The following MARF1 variants were observed in gnomAD, a reference collection of about 807,000 sequenced individuals.
MARF1 encodes limkain-b1.
A neutral mutation model predicts 168.2 loss-of-function variants in MARF1; 24 were observed. The observed-to-expected ratio is 0.14, with a 90% confidence interval of 0.10 to 0.20. The LOEUF (loss-of-function observed/expected upper bound fraction) is 0.20, where lower values mean the gene tolerates loss of function less well. Among genes scored for constraint, MARF1 ranks in the 10% least tolerant of loss-of-function variants. MARF1 has a pLI of 1.00. For missense variants in MARF1, 1,744 were observed against 2,143.6 expected, an observed-to-expected ratio of 0.81 and a Z score of 3.68; for synonymous variants, 868 against 822.4, an observed-to-expected ratio of 1.06 and a Z score of -0.95.
chr16:15,624,986 G>A (rs374504952), intron 9 of MARF1, 30 bp downstream of exon 9: 5 of 1,613,416 alleles, frequency 3.1e-6, no homozygotes, highest in African/African-American at 2.7e-5. Flanking sequence ...CATTCAAGAA[G>A]CAGCTATGAG....
intron 20 of MARF1, 142 bp downstream of exon 20, chr16:15,609,381 G>A (rs1596453872): frequency 1.1e-5 from 7 of 634,296 alleles, no homozygotes; most frequent in Non-Finnish European, 1.9e-5. Context: ...CAGGAATATG[G>A]CTTCTCTGAC....
intron 20 of MARF1, among the ~76,000 whole-genome samples, chr16:15,608,929 T>C (rs2033267823): frequency 1.3e-5 from 2 of 152,192 alleles, no homozygotes; most frequent in Non-Finnish European, 2.9e-5. Context: ...AGTATAAAAG[T>C]AATGAACAAA....
Position 15,600,760 on chromosome 16 carries a change from C to T in MARF1, c.4627-59G>A, listed in dbSNP as rs2032343578. The T allele has an allele frequency of 3.2e-6, 5 of 1,575,640 alleles. No homozygotes were observed. In the East Asian group the frequency reaches 1.1e-4, roughly 35 times the overall value. Reference sequence around the variant, plus strand: ...GAAAAGGAGGGGACAGAAGCCCTAACATTCAGGAAGAGTGTGACCTACGGA... The same window carrying T: ...GAAAAGGAGGGGACAGAAGCCCTAATATTCAGGAAGAGTGTGACCTACGGA... On this transcript the variant is annotated intron_variant, in intron 23 of 26. Transcript: ENST00000396368.
chr16:15,625,842 G>A (rs368957572), intron 7 of MARF1, 42 bp from the exon 8 acceptor site: 11 of 1,504,148 alleles, frequency 7.3e-6, no homozygotes, highest in Non-Finnish European at 1.0e-5. Context: ...TTAATTCAAG[G>A]GCACACATTC....
At chr16:15,637,236 T>A (rs574975568) in intron 2 of MARF1, among the ~76,000 whole-genome samples, 5 of 152,290 alleles carry the variant, frequency 3.3e-5, no homozygotes, top group African/African-American at 1.2e-4. Flanking sequence ...CCTGGCACAG[T>A]ACCTAGCCAC....
intron 5 of MARF1, among the ~76,000 whole-genome samples, chr16:15,632,199 A>G (rs1457470205): frequency 4.6e-5 from 7 of 152,314 alleles, no homozygotes; most frequent in Middle Eastern, 3.4e-3. Context: ...TAAGTAGAAT[A>G]TAGGAAGTGA....
rs150178604 is a variant in MARF1 at position 15,616,978 on chromosome 16, G to A, written c.3077+74C>T. 1.2e-3 allele frequency: 1,802 copies of A among 1,519,306 alleles called. 10 individuals carry two copies. The African/African-American group carries it at 0.015, about 13-fold the overall frequency. The allele number at this position is 1,519,306 out of a possible 1,614,324, so 94.1% of individuals were successfully genotyped here. A position where few individuals can be genotyped will look rare whatever the true frequency, so the allele number is the denominator to read the frequency against. On this transcript the variant is annotated intron_variant, in intron 15 of 26. Coordinates refer to ENST00000396368, the MANE Select transcript of MARF1 (RefSeq NM_014647.4). ...AGAGTACTTATTTGTAAAGAGATGT[G>A]GGCAGAAAGGGCAGGCTTCCTATAA...
chr16:15,596,956 A>G lies in MARF1; in HGVS notation c.4985-19T>C, dbSNP rs2031771222. ...ATAATTTCTGTAAACACAGAAAAGCAAACAGATTCAGATCCAGGAACTGTA... is the reference window on the plus strand; with the variant it reads ...ATAATTTCTGTAAACACAGAAAAGCGAACAGATTCAGATCCAGGAACTGTA... On this transcript the variant is annotated intron_variant, in intron 26 of 26. Coordinates refer to ENST00000396368, the MANE Select transcript of MARF1 (RefSeq NM_014647.4). 2 of 1,585,172 alleles carry G rather than the reference A, an allele frequency of 1.3e-6. No homozygotes were observed. The highest frequency in any genetic ancestry group is 1.7e-6 in the Non-Finnish European group (2 of 1,161,300).
chr16:15,626,162 G>A (rs1030095323), intron 7 of MARF1, among the ~76,000 whole-genome samples: 2 of 152,044 alleles, frequency 1.3e-5, no homozygotes, highest in Non-Finnish European at 2.9e-5. Flanking sequence ...TAGGCACAGA[G>A]GTCTGTATAC....
At chr16:15,596,964 T>TCAGATC in intron 26 of MARF1, 27 bp from the exon 27 acceptor site, 1 of 1,579,458 alleles carries the variant, frequency 6.3e-7, no homozygotes, top group Non-Finnish European at 8.6e-7. Flanking sequence ...GCAAACAGAT[T>TCAGATC]CAGATCCAGG....
At chr16:15,632,101 G>A (rs1038956533) in intron 5 of MARF1, among the ~76,000 whole-genome samples, 1 of 152,148 alleles carries the variant, frequency 6.6e-6, no homozygotes, top group African/African-American at 2.4e-5. Context: ...CTCAACATTG[G>A]TTCTTGATAT....
intron 20 of MARF1, 192 bp from the exon 21 acceptor site, chr16:15,608,710 T>C (rs764742134): frequency 1.7e-6 from 1 of 581,068 alleles, no homozygotes; most frequent in South Asian, 2.3e-5. Context: ...TGACCACTAC[T>C]GGACAGGAGA....
At chr16:15,621,623 G>A (rs1258964187) in intron 12 of MARF1, 110 bp downstream of exon 12, 8 of 1,004,376 alleles carry the variant, frequency 8.0e-6, no homozygotes, top group African/African-American at 1.6e-5. Flanking sequence ...TATTCCACAT[G>A]CAATCATCAC....
chr16:15,627,171 G>C (rs1197562168), intron 7 of MARF1, among the ~76,000 whole-genome samples: 2 of 151,274 alleles, frequency 1.3e-5, no homozygotes, highest in African/African-American at 4.9e-5. Flanking sequence ...GAGCAACACA[G>C]TGAGACCCCA....
At chr16:15,601,196 G>A (rs1172374124) in intron 23 of MARF1, 4 of 412,406 alleles carry the variant, frequency 9.7e-6, no homozygotes, top group African/African-American at 8.3e-5. Flanking sequence ...CCCCCTACAT[G>A]TGCACACCGT....
chr16:15,634,959 G>T (rs201685168), intron 3 of MARF1, 28 bp from the exon 4 acceptor site: 15 of 1,603,384 alleles, frequency 9.4e-6, no homozygotes, highest in Non-Finnish European at 1.3e-5. Context: ...TAAAAAGGAG[G>T]AGGTGTCAGA....
chr16:15,605,493 C>T (rs942459627), intron 21 of MARF1, among the ~76,000 whole-genome samples: 18 of 152,058 alleles, frequency 1.2e-4, no homozygotes, highest in Non-Finnish European at 2.5e-4. Flanking sequence ...TCCTCAGAAG[C>T]GGGTTTAATC....
rs1231288049 is a variant in MARF1 at position 15,595,156 on chromosome 16, A to G, written c.*1537T>C. On this transcript the variant is annotated 3_prime_UTR_variant, in exon 27 of 27. Coordinates refer to ENST00000396368, the MANE Select transcript of MARF1 (RefSeq NM_014647.4). ...CCTTCAGGAGGATTCGGAGAGTGCC[A>G]TAATACTTACAGGGTTTTTTCCATG... 6.6e-6 allele frequency: 1 copy of G among 152,660 alleles called. No homozygotes were observed. The highest frequency in any genetic ancestry group is 2.4e-5 in the African/African-American group (1 of 41,464). The allele number at this position is 152,660 out of a possible 1,614,324, so 9.5% of individuals were successfully genotyped here. A position where few individuals can be genotyped will look rare whatever the true frequency, so the allele number is the denominator to read the frequency against.
intron 7 of MARF1, among the ~76,000 whole-genome samples, chr16:15,627,555 C>T (rs2034957549): frequency 1.3e-5 from 2 of 152,100 alleles, no homozygotes; most frequent in South Asian, 2.1e-4. Context: ...CAGGTGGAGT[C>T]TGCAGTAAGC....
Sources: allele counts gnomAD v4.1 joint callset (sites outside exome capture counted in the v4.1 genomes callset), GRCh38; gene constraint gnomAD v4.1.1; transcripts MANE v1.5; gene names NCBI Gene and HGNC (gene_info 2026-07-23, HGNC 2026-07-21).